Variants in PRH1 observed in about 807,000 individuals in gnomAD.
The protein encoded by PRH1 is salivary acidic proline-rich phosphoprotein 1/2.
A neutral mutation model predicts 7.9 loss-of-function variants in PRH1; 7 were observed. That is an observed-to-expected ratio of 0.89 (90% CI 0.50 to 1.67). PRH1 has a LOEUF of 1.67. PRH1 is among the 40% of genes most tolerant of loss of function. The probability of loss-of-function intolerance (pLI) is 0.00; values close to 1 mark genes in which losing one functional copy is unlikely to be tolerated. For missense variants in PRH1, 109 were observed against 223.6 expected, an observed-to-expected ratio of 0.49 and a Z score of 3.27; for synonymous variants, 45 against 80.8, an observed-to-expected ratio of 0.56 and a Z score of 2.38.
At chr12:11,098,440 C>T (rs1028436655) in intron 1 of PRH1, among the ~76,000 whole-genome samples, 1 of 152,090 alleles carries the variant, frequency 6.6e-6, no homozygotes. Flanking sequence ...TGGAATTATT[C>T]ATACTGAAAT....
intron 1 of PRH1, among the ~76,000 whole-genome samples, chr12:11,000,397 A>G (rs1591793653): frequency 6.6e-6 from 1 of 152,284 alleles, no homozygotes; most frequent in Admixed American, 6.5e-5. Context: ...CACACTAAAG[A>G]CATGATTCCA....
chr12:10,991,304 T>A (rs1360445013), intron 1 of PRH1, among the ~76,000 whole-genome samples: 1 of 152,184 alleles, frequency 6.6e-6, no homozygotes, highest in African/African-American at 2.4e-5. Context: ...CTGTACCAAG[T>A]ACAATAAGTC....
At chr12:11,103,689 AAAATAAAT>A (rs777045796) in intron 1 of PRH1, among the ~76,000 whole-genome samples, 1 of 152,052 alleles carries the variant, frequency 6.6e-6, no homozygotes, top group African/African-American at 2.4e-5. Flanking sequence ...AAGTAAAATA[AAAATAAAT>A]AAATAAATAA....
intron 1 of PRH1, among the ~76,000 whole-genome samples, chr12:11,167,300 C>G (rs1947609395): frequency 6.6e-6 from 1 of 152,150 alleles, no homozygotes; most frequent in South Asian, 2.1e-4. Flanking sequence ...GTATTCTAAA[C>G]TGTCACATTA....
chr12:10,984,987 A>C (rs1317198929), intron 1 of PRH1, among the ~76,000 whole-genome samples: 4 of 152,014 alleles, frequency 2.6e-5, no homozygotes, highest in Non-Finnish European at 5.9e-5. Context: ...GGGAAGACTC[A>C]AGTTCTTTTA....
chr12:11,020,685 T>G (rs1383069560), intron 1 of PRH1, among the ~76,000 whole-genome samples: 1 of 152,030 alleles, frequency 6.6e-6, no homozygotes, highest in Non-Finnish European at 1.5e-5. Flanking sequence ...TTTACATAAT[T>G]TTTAACATTT....
chr12:11,116,793 C>T (rs1485657179), downstream of PRH1, among the ~76,000 whole-genome samples: 1 of 152,074 alleles, frequency 6.6e-6, no homozygotes, highest in African/African-American at 2.4e-5. Context: ...CAATGTGATA[C>T]ATCATATATA....
At chr12:11,053,820 TTG>T (rs915577097) in intron 1 of PRH1, among the ~76,000 whole-genome samples, 8 of 150,996 alleles carry the variant, frequency 5.3e-5, no homozygotes, top group South Asian at 2.1e-4. Context: ...GCTTTACATT[TTG>T]TGTGTGTGTG....
At chr12:11,138,674 G>A (rs1281270506) in intron 1 of PRH1, among the ~76,000 whole-genome samples, 3 of 152,148 alleles carry the variant, frequency 2.0e-5, no homozygotes, top group African/African-American at 7.2e-5. Context: ...AAATTTTGAT[G>A]TTTCAAATTC....
chr12:11,047,051 CA>C (rs752635357), exon 1 of PRH1: 2 of 507,998 alleles, frequency 3.9e-6, no homozygotes, highest in Non-Finnish European at 8.2e-6. Context: ...TATTCCCCTC[CA>C]CATCCAAACT....
intron 1 of PRH1, among the ~76,000 whole-genome samples, chr12:10,987,497 T>C (rs1422392010): frequency 6.6e-6 from 1 of 152,050 alleles, no homozygotes; most frequent in Non-Finnish European, 1.5e-5. Flanking sequence ...AATACTTTTG[T>C]GTGAATTTAT....
intron 1 of PRH1, among the ~76,000 whole-genome samples, chr12:11,103,890 T>G (rs1310241732): frequency 6.6e-6 from 1 of 152,066 alleles, no homozygotes; most frequent in Non-Finnish European, 1.5e-5. Flanking sequence ...GTTAAGTCAT[T>G]GTGAGGTGCT....
At chr12:10,993,980 C>A (rs1940074268) in intron 1 of PRH1, among the ~76,000 whole-genome samples, 1 of 152,194 alleles carries the variant, frequency 6.6e-6, no homozygotes, top group African/African-American at 2.4e-5. Flanking sequence ...GAAAATTAAC[C>A]CATGTATAAA....
intron 1 of PRH1, among the ~76,000 whole-genome samples, chr12:11,103,907 T>C (rs963944653): frequency 6.6e-6 from 1 of 151,994 alleles, no homozygotes; most frequent in African/African-American, 2.4e-5. Context: ...TGCTTCAATA[T>C]GTAATATTTT....
intron 2 of PRH1, among the ~76,000 whole-genome samples, chr12:10,947,400 T>TA (rs559288708): frequency 3.6e-4 from 54 of 152,074 alleles, no homozygotes; most frequent in Non-Finnish European, 7.5e-4. Flanking sequence ...GTCTTTTTTT[T>TA]AAAAAACTTT....
At chr12:11,057,194 T>C (rs1388942504) in intron 1 of PRH1, among the ~76,000 whole-genome samples, 2 of 136,430 alleles carry the variant, frequency 1.5e-5, no homozygotes, top group African/African-American at 2.6e-5. Flanking sequence ...TTTGTAGACA[T>C]GGAGTTTCCA....
intron 1 of PRH1, chr12:11,078,128 G>A (rs1369702220): frequency 3.3e-6 from 2 of 610,674 alleles, no homozygotes; most frequent in East Asian, 2.6e-5. Context: ...GAGATCTTTC[G>A]TGTCTTAACC....
chr12:10,937,318 G>A (rs1215833538), intron 2 of PRH1: 5 of 151,412 alleles, frequency 3.3e-5, no homozygotes, highest in Non-Finnish European at 7.4e-5. Flanking sequence ...ACATGTCATT[G>A]TTTTATGTAC....
At chr12:10,969,923 C>T (rs1431979229) in intron 2 of PRH1, among the ~76,000 whole-genome samples, 1 of 152,130 alleles carries the variant, frequency 6.6e-6, no homozygotes, top group African/African-American at 2.4e-5. Flanking sequence ...GCATCAGCCT[C>T]CTGAGTAGCT....
Sources: gnomAD v4.1 joint callset for allele counts (sites outside exome capture counted in the v4.1 genomes callset) on GRCh38, gnomAD v4.1.1 for gene constraint, MANE v1.5 for transcripts, NCBI Gene and HGNC (gene_info 2026-07-23, HGNC 2026-07-21) for gene names.